SLC4A5: variants seen among roughly 807,000 people sequenced by gnomAD.
SLC4A5 encodes electrogenic sodium bicarbonate cotransporter 4.
Under a neutral mutation model 120.4 loss-of-function variants are expected in SLC4A5, and 96 were observed. That is an observed-to-expected ratio of 0.80 (90% CI 0.68 to 0.94). The LOEUF (loss-of-function observed/expected upper bound fraction) is 0.94. Among genes scored for constraint, SLC4A5 ranks in the 40% least tolerant of loss-of-function variants. SLC4A5 has a pLI of 0.00. For synonymous variants in SLC4A5, 550 were observed against 571.1 expected (o/e 0.96, Z 0.53); for missense variants, 1,259 against 1,459.5 (o/e 0.86, Z 2.24).
chr2:74,274,788 T>C (rs562329011), intron 8 of SLC4A5, among the ~76,000 whole-genome samples: 7 of 152,372 alleles, frequency 4.6e-5, no homozygotes, highest in African/African-American at 1.7e-4. Context: ...GTTTGTTATG[T>C]TCATCCTCTA....
chr2:74,235,275 G>A, intron 21 of SLC4A5, 61 bp from the exon 22 acceptor site: 1 of 1,298,910 alleles, frequency 7.7e-7, no homozygotes, highest in Non-Finnish European at 1.1e-6. Context: ...GCTCCAGGCA[G>A]CCCCAGTCCT....
chr2:74,219,288 C>T (rs902823790), intron 30 of SLC4A5, among the ~76,000 whole-genome samples: 1 of 150,958 alleles, frequency 6.6e-6, no homozygotes, highest in African/African-American at 2.4e-5. Context: ...CTTTTCTCTG[C>T]CCCGCTCTAT....
chr2:74,305,977 G>A (rs1672631302), intron 6 of SLC4A5, among the ~76,000 whole-genome samples: 1 of 152,022 alleles, frequency 6.6e-6, no homozygotes, highest in South Asian at 2.1e-4. Context: ...ACCCGCCTTG[G>A]CCTCCCAAAG....
chr2:74,336,714 A>C (rs1183760342), intron 3 of SLC4A5, among the ~76,000 whole-genome samples: 1 of 152,222 alleles, frequency 6.6e-6, no homozygotes, highest in Non-Finnish European at 1.5e-5. Context: ...CTTGCCTACA[A>C]GATCTGAAAA....
intron 2 of SLC4A5, among the ~76,000 whole-genome samples, chr2:74,342,253 A>G (rs944463115): frequency 6.6e-6 from 1 of 152,216 alleles, no homozygotes; most frequent in African/African-American, 2.4e-5. Context: ...TGGCATGGCC[A>G]CCATCCCTAC....
In SLC4A5 at chr2:74,242,068, T is replaced by C. The variant is rs776296022; in HGVS notation, c.2060-16A>G. 5.6e-6 allele frequency: 9 copies of C among 1,600,778 alleles called. No homozygotes were observed. The highest frequency in any genetic ancestry group is 2.3e-5 in the East Asian group (1 of 44,258). On this transcript the variant is annotated splice_polypyrimidine_tract_variant and intron_variant, in intron 19 of 30. Coordinates refer to ENST00000394019, the Ensembl canonical transcript of SLC4A5. ...GTTGTATTCACTGTGGATGAGCACATGACACGGGGCAGGGTCAGCAGCTGT... is the reference window on the plus strand; with the variant it reads ...GTTGTATTCACTGTGGATGAGCACACGACACGGGGCAGGGTCAGCAGCTGT...
intron 7 of SLC4A5, among the ~76,000 whole-genome samples, chr2:74,288,493 T>G (rs1672056307): frequency 6.6e-6 from 1 of 152,226 alleles, no homozygotes; most frequent in Non-Finnish European, 1.5e-5. Flanking sequence ...TGAACTGAAA[T>G]GTGACTTATG....
At chr2:74,301,029 A>G (rs1247234201) in intron 7 of SLC4A5, among the ~76,000 whole-genome samples, 1 of 152,196 alleles carries the variant, frequency 6.6e-6, no homozygotes, top group African/African-American at 2.4e-5. Flanking sequence ...ACTTAATAGA[A>G]AAGTACAGAC....
At position 74,248,384 on chromosome 2, in the gene SLC4A5, T is replaced by C. The variant is rs775635447; in HGVS notation, c.1756A>G (p.Ile586Val). ...AAGTCGAAGAGGAGCTTCTCAAAGA[T>C]GAGGATGGGCCCCGTGCTGCTGAGA... The change falls in exon 18 of 31, where the codon ATC becomes GTC. Residue 586 changes from isoleucine (I) to valine (V), a missense_variant. Ile to Val is a conservative substitution (Grantham distance 29). Transcript: ENST00000394019. 1.9e-6 allele frequency: 3 copies of C among 1,614,090 alleles called. No individual in the cohort carries two copies. In the Admixed American group the frequency reaches 5.0e-5, roughly 27 times the overall value.
Position 74,298,939 on chromosome 2 carries a change from T to C in SLC4A5, c.271+5550A>G, listed in dbSNP as rs186633371. Reference sequence around the variant, plus strand: ...GAAGACATATGATATGGTTTGGCTGTGTCACCACCCAAATCTCATCTTGAA... The same window carrying C: ...GAAGACATATGATATGGTTTGGCTGCGTCACCACCCAAATCTCATCTTGAA... On this transcript the variant is annotated intron_variant, in intron 7 of 30. Coordinates refer to ENST00000394019, the Ensembl canonical transcript of SLC4A5. Among the ~76,000 whole-genome samples, 972 of 152,300 alleles carry C rather than the reference T, an allele frequency of 6.4e-3. 13 individuals are homozygous for C. The highest frequency in any genetic ancestry group is 4.4e-3 in the Non-Finnish European group (302 of 68,016).
intron 6 of SLC4A5, chr2:74,308,026 G>C: frequency 1.9e-6 from 1 of 531,654 alleles, no homozygotes; most frequent in Admixed American, 2.0e-5. Flanking sequence ...GGGGAGGAGA[G>C]TGAGAGGAAA....
intron 3 of SLC4A5, among the ~76,000 whole-genome samples, chr2:74,335,607 T>TA (rs1673463797): frequency 6.6e-6 from 1 of 152,098 alleles, no homozygotes; most frequent in Non-Finnish European, 1.5e-5. Context: ...CAACCTAAAA[T>TA]AAGAGGGCTA....
rs761718891 is a variant in SLC4A5 at position 74,252,286 on chromosome 2, G to GCCA, written c.1368_1370dup (p.Gly457dup). On this transcript the variant is annotated inframe_insertion, in exon 16 of 31. Transcript: ENST00000394019. ...CGCCACTGCCAGCCCCGCCGCCACT[G>GCCA]CCACCACCACCACCACCTCCATTGC... is the stretch of plus-strand genomic sequence containing the variant. 378 of 1,610,968 alleles carry GCCA rather than the reference G, an allele frequency of 2.3e-4. 2 individuals carry two copies. In the African/African-American group the frequency reaches 4.4e-3, roughly 19 times the overall value.
rs558350905 is a variant in SLC4A5 at position 74,265,688 on chromosome 2, G to A, written c.402-424C>T. On this transcript the variant is annotated intron_variant, in intron 8 of 30. Coordinates refer to ENST00000394019, the Ensembl canonical transcript of SLC4A5. Reference sequence around the variant, plus strand: ...ATTATCTCAGGCTGTTCACACATGAGTGTTCAGTGTGGTTTGCTGGGAGCA... The same window carrying A: ...ATTATCTCAGGCTGTTCACACATGAATGTTCAGTGTGGTTTGCTGGGAGCA... Among the ~76,000 whole-genome samples the A allele has an allele frequency of 3.7e-3, 563 of 152,286 alleles. 1 individual carries two copies. The highest frequency in any genetic ancestry group is 6.5e-3 in the Admixed American group (99 of 15,294).
chr2:74,306,562 A>G lies in SLC4A5; in HGVS notation c.80-1882T>C, dbSNP rs959908095. Among the ~76,000 whole-genome samples, 8 of 151,844 alleles carry G rather than the reference A, an allele frequency of 5.3e-5. No individual in the cohort carries two copies. In the South Asian group the frequency reaches 6.2e-4, roughly 12 times the overall value. On this transcript the variant is annotated intron_variant, in intron 6 of 30. Coordinates refer to ENST00000394019, the Ensembl canonical transcript of SLC4A5. ...TTTCTTTCACTCTTACAGGAATCAT[A>G]TATTATGAAGCCTTTTCATATTGGC...
intron 11 of SLC4A5, among the ~76,000 whole-genome samples, chr2:74,260,324 T>C (rs1671095897): frequency 6.6e-6 from 1 of 152,118 alleles, no homozygotes; most frequent in African/African-American, 2.4e-5. Flanking sequence ...CTCTCATTTC[T>C]GTCCCAGGAT....
chr2:74,288,677 T>C (rs766967676), intron 7 of SLC4A5, among the ~76,000 whole-genome samples: 1 of 152,182 alleles, frequency 6.6e-6, no homozygotes, highest in East Asian at 1.9e-4. Context: ...CTCACGTTAT[T>C]TGTGGTGTCA....
intron 7 of SLC4A5, among the ~76,000 whole-genome samples, chr2:74,293,884 G>C (rs1244509589): frequency 6.6e-6 from 1 of 152,120 alleles, no homozygotes; most frequent in Admixed American, 6.5e-5. Flanking sequence ...TAAGTGTAAA[G>C]GTTATAAAAG....
At chr2:74,262,714 A>G (rs1296549468) in intron 10 of SLC4A5, among the ~76,000 whole-genome samples, 1 of 151,900 alleles carries the variant, frequency 6.6e-6, no homozygotes, top group Non-Finnish European at 1.5e-5. Context: ...AAAAAAAAAG[A>G]ACAAGATTAG....
Sources: gnomAD v4.1 joint callset for allele counts (sites outside exome capture counted in the v4.1 genomes callset) on GRCh38, gnomAD v4.1.1 for gene constraint, MANE v1.5 for transcripts, NCBI Gene and HGNC (gene_info 2026-07-23, HGNC 2026-07-21) for gene names.